The following GBE1 variants were observed in gnomAD, a reference collection of about 807,000 sequenced individuals.
The protein encoded by GBE1 is 1,4-alpha-glucan branching enzyme 1, also known as 1,4-alpha-glucan-branching enzyme.
In GBE1, 70 loss-of-function variants were observed where a neutral mutation model predicts 88.8. The ratio of observed to expected loss-of-function variants is 0.79; its 90% confidence interval spans 0.65 to 0.96. The LOEUF (loss-of-function observed/expected upper bound fraction) is 0.96. GBE1 is among the 40% of genes least tolerant of loss of function. The pLI, the probability that GBE1 is intolerant of heterozygous loss-of-function variation, is 0.00. For synonymous variants in GBE1, 284 were observed against 300.1 expected (o/e 0.95, Z 0.56); for missense variants, 872 against 871.0 (o/e 1.00, Z -0.01).
chr3:81,724,448 A>C (rs1385720895), intron 1 of GBE1, among the ~76,000 whole-genome samples: 2 of 152,182 alleles, frequency 1.3e-5, no homozygotes, highest in African/African-American at 2.4e-5. Flanking sequence ...TATGATCTCT[A>C]ATCAAATTCA....
chr3:81,688,586 C>T (rs1705473866), intron 2 of GBE1, among the ~76,000 whole-genome samples: 1 of 151,970 alleles, frequency 6.6e-6, no homozygotes, highest in South Asian at 2.1e-4. Context: ...CCATTATATA[C>T]TAAGATTATA....
At chr3:81,580,611 T>C (rs1703714057) in intron 11 of GBE1, among the ~76,000 whole-genome samples, 1 of 152,110 alleles carries the variant, frequency 6.6e-6, no homozygotes, top group Non-Finnish European at 1.5e-5. Context: ...TGGCTTTGAA[T>C]TACAGGCTTC....
intron 1 of GBE1, among the ~76,000 whole-genome samples, chr3:81,719,571 C>A (rs1705992014): frequency 6.6e-6 from 1 of 152,078 alleles, no homozygotes; most frequent in African/African-American, 2.4e-5. Context: ...ATTTTAATTG[C>A]CCAGAGAATT....
At chr3:81,675,640 T>C (rs567068381) in intron 2 of GBE1, among the ~76,000 whole-genome samples, 36 of 152,228 alleles carry the variant, frequency 2.4e-4, no homozygotes, top group African/African-American at 8.4e-4. Context: ...AAAGTGATAT[T>C]AAACCTTTTA....
intron 12 of GBE1, among the ~76,000 whole-genome samples, chr3:81,545,130 TTGGCTTTTCTC>T (rs1346892165): frequency 1.3e-5 from 2 of 152,190 alleles, no homozygotes; most frequent in African/African-American, 2.4e-5. Context: ...ATGAAATTCT[TTGGCTTTTCTC>T]TGGTATTGCA....
At chr3:81,726,425 T>A (rs867295070) in intron 1 of GBE1, among the ~76,000 whole-genome samples, 1 of 152,190 alleles carries the variant, frequency 6.6e-6, no homozygotes, top group African/African-American at 2.4e-5. Context: ...GATCTATCAC[T>A]GGGACTCTCA....
intron 12 of GBE1, among the ~76,000 whole-genome samples, chr3:81,543,327 G>C (rs1338335975): frequency 6.6e-6 from 1 of 152,062 alleles, no homozygotes; most frequent in African/African-American, 2.4e-5. Context: ...ACATTCTACA[G>C]GGTGGCTCTG....
intron 7 of GBE1, among the ~76,000 whole-genome samples, chr3:81,638,265 AT>A (rs1704619986): frequency 6.6e-6 from 1 of 152,162 alleles, no homozygotes; most frequent in Non-Finnish European, 1.5e-5. Context: ...CTGATGAAAT[AT>A]AACTATATTA....
chr3:81,492,209 C>CT (rs1166122208), intron 15 of GBE1, among the ~76,000 whole-genome samples: 1 of 152,218 alleles, frequency 6.6e-6, no homozygotes, highest in Non-Finnish European at 1.5e-5. Context: ...GTGCTACAAA[C>CT]TGTTTCCCTA....
At position 81,613,105 on chromosome 3, in the gene GBE1, C is replaced by T. The variant is rs1403744924; in HGVS notation, c.993-19082G>A. The T allele has an allele frequency of 5.6e-6, 3 of 536,918 alleles. No homozygotes were observed. In the East Asian group the frequency reaches 2.3e-4, roughly 40 times the overall value. The allele number at this position is 536,918 out of a possible 1,614,324, so 33.3% of individuals were successfully genotyped here. ...TAGAACACTGATGGATTCCGACCTT[C>T]CTTTTTTAAAATGTTCTCCAGTCCT... On this transcript the variant is annotated intron_variant, in intron 7 of 15. Transcript: ENST00000429644.
intron 7 of GBE1, among the ~76,000 whole-genome samples, chr3:81,604,608 C>T (rs1034019090): frequency 6.6e-6 from 1 of 151,924 alleles, no homozygotes; most frequent in South Asian, 2.1e-4. Context: ...TAAAAATAAA[C>T]AAATTGAAAA....
chr3:81,582,931 A>G (rs1703754226), intron 10 of GBE1, among the ~76,000 whole-genome samples: 1 of 152,122 alleles, frequency 6.6e-6, no homozygotes. Context: ...TGTGAAGAGG[A>G]TGAAAGAACA....
chr3:81,610,125 A>G (rs2106988082), intron 7 of GBE1, among the ~76,000 whole-genome samples: 1 of 152,246 alleles, frequency 6.6e-6, no homozygotes, highest in East Asian at 1.9e-4. Context: ...TACTTTTCCA[A>G]CTATTATGAT....
chr3:81,501,911 C>T (rs569574675), intron 14 of GBE1, among the ~76,000 whole-genome samples: 60 of 151,158 alleles, frequency 4.0e-4, no homozygotes, highest in Non-Finnish European at 7.2e-4. Flanking sequence ...GTTGCCCAGG[C>T]TGGTCTCGAA....
intron 10 of GBE1, 140 bp downstream of exon 10, chr3:81,585,952 A>G (rs1346369553): frequency 1.9e-6 from 1 of 526,214 alleles, no homozygotes; most frequent in Admixed American, 4.1e-5. Flanking sequence ...TAAAAAGCAT[A>G]AGAATCGACA....
chr3:81,716,616 CTACAT>C (rs1298863302), intron 1 of GBE1, among the ~76,000 whole-genome samples: 1 of 152,118 alleles, frequency 6.6e-6, no homozygotes, highest in Non-Finnish European at 1.5e-5. Context: ...TTTATTTATA[CTACAT>C]TATTCTACAT....
At chr3:81,737,838 G>C (rs1280972184) in intron 1 of GBE1, among the ~76,000 whole-genome samples, 1 of 152,008 alleles carries the variant, frequency 6.6e-6, no homozygotes, top group African/African-American at 2.4e-5. Context: ...TGACATGCTG[G>C]TGCGCTGCAC....
intron 1 of GBE1, among the ~76,000 whole-genome samples, chr3:81,728,677 CAAG>C (rs1288874070): frequency 6.6e-6 from 1 of 151,450 alleles, no homozygotes; most frequent in African/African-American, 2.4e-5. Context: ...GAAAAAAGGA[CAAG>C]AAGAAAAGGA....
intron 1 of GBE1, among the ~76,000 whole-genome samples, chr3:81,716,021 T>C (rs1576210951): frequency 6.6e-6 from 1 of 152,016 alleles, no homozygotes; most frequent in Admixed American, 6.5e-5. Flanking sequence ...CAAGCACACA[T>C]TGTGTTATTA....
Sources: gnomAD v4.1 joint callset for allele counts (sites outside exome capture counted in the v4.1 genomes callset) on GRCh38, gnomAD v4.1.1 for gene constraint, MANE v1.5 for transcripts, NCBI Gene and HGNC (gene_info 2026-07-23, HGNC 2026-07-21) for gene names.